MUC6: variants seen among roughly 807,000 people sequenced by gnomAD.
The protein encoded by MUC6 is mucin-6.
A neutral mutation model predicts 201.5 loss-of-function variants in MUC6; 188 were observed. That is an observed-to-expected ratio of 0.93 (90% CI 0.83 to 1.05). The LOEUF is 1.05. Among genes scored for constraint, MUC6 ranks in the 50% least tolerant of loss-of-function variants. The pLI, the probability that MUC6 is intolerant of heterozygous loss-of-function variation, is 0.00. For synonymous variants in MUC6, 1,228 were observed against 1,389.4 expected, an observed-to-expected ratio of 0.88 and a Z score of 2.58; for missense variants, 2,706 against 3,256.9, an observed-to-expected ratio of 0.83 and a Z score of 4.12.
rs374215540 is a variant in MUC6, at chr11:1,031,788, C to T, written c.356+25G>A. 37 of 1,566,576 alleles carry T rather than the reference C, an allele frequency of 2.4e-5. No homozygotes were observed. In the East Asian group the frequency reaches 5.0e-4, roughly 21 times the overall value. On this transcript the variant is annotated intron_variant, in intron 3 of 32. Transcript: ENST00000421673. ...CCTCAGTCCTCCGGCCCCCGAGCCC[C>T]CGGGCCCCGGCCCACCTGACCTACC...
At chr11:1,025,672 C>T (rs1375656068) in intron 22 of MUC6, 133 bp downstream of exon 22, 11 of 902,086 alleles carry the variant, frequency 1.2e-5, no homozygotes, top group Non-Finnish European at 1.5e-5. Context: ...CAGCAGGCAC[C>T]CCTCAAGGAG....
At position 1,018,731 on chromosome 11, in the gene MUC6, G is replaced by A; in HGVS notation, c.4070C>T (p.Thr1357Ile). 1 of 1,583,438 alleles carries A rather than the reference G, an allele frequency of 6.3e-7. No homozygotes were observed. The highest frequency in any genetic ancestry group is 8.6e-7 in the Non-Finnish European group (1 of 1,167,406). ...GGTTGGACGTGGGCCTGTCGTCTGG[G>A]TGGCCGTTGTTCCTGGCAGTTCCTG... ...TNQELPGTTATQTTGPRPTPA... is the reference protein window; with the variant it reads ...TNQELPGTTAIQTTGPRPTPA... The change falls in exon 31 of 33, where the codon ACC becomes ATC. Residue 1357 changes from threonine to isoleucine, a missense_variant. This residue lies in a region of MUC6 where 1,850 missense variants were observed against 1,958.3 expected (regional missense o/e 0.94). Coordinates refer to ENST00000421673, the MANE Select transcript of MUC6 (RefSeq NM_005961.3).
At position 1,016,055 on chromosome 11, in the gene MUC6, G is replaced by A. The variant is rs969849488; in HGVS notation, c.6746C>T (p.Pro2249Leu). 10 of 1,612,180 alleles carry A rather than the reference G, an allele frequency of 6.2e-6. No homozygotes were observed. The highest frequency in any genetic ancestry group is 3.3e-5 in the Admixed American group (2 of 59,954). ...GCTGGCCGTGGTCCTGGGCGTGGAC[G>A]GAAATGCAATGGTGCTGGAGGCTAG... is the stretch of plus-strand genomic sequence containing the variant. ...SHLASSTIAF[P>L]STPRTTASTH... Residue 2249 changes from proline (P) to leucine (L), a missense_variant, in exon 31 of 33, where the codon CCG becomes CTG. Coordinates refer to ENST00000421673, the MANE Select transcript of MUC6 (RefSeq NM_005961.3).
At position 1,034,384 on chromosome 11, in the gene MUC6, G is replaced by A. The variant is rs1342619184; in HGVS notation, c.53-1309C>T. 6.6e-5 allele frequency among the ~76,000 whole-genome samples: 10 copies of A among 152,312 alleles called. No individual in the cohort carries two copies. The East Asian group carries it at 1.9e-3, about 29-fold the overall frequency. On this transcript the variant is annotated intron_variant, in intron 1 of 32. Transcript: ENST00000421673. ...TCATGCTGGGCCCTGAGCCTGGCGAGCACCTACCCCCTCACTCATCCCCCT... is the reference window on the plus strand; with the variant it reads ...TCATGCTGGGCCCTGAGCCTGGCGAACACCTACCCCCTCACTCATCCCCCT...
chr11:1,023,213 ATG>A (rs1432275054), intron 26 of MUC6, among the ~76,000 whole-genome samples: 9 of 151,626 alleles, frequency 5.9e-5, no homozygotes, highest in East Asian at 3.9e-4. Context: ...GCATGAATGA[ATG>A]TGTGTGTAGT....
At position 1,020,731 on chromosome 11, in the gene MUC6, G is replaced by A. The variant is rs759329170; in HGVS notation, c.3593C>T (p.Pro1198Leu). The A allele has an allele frequency of 1.5e-5, 24 of 1,612,686 alleles. No individual in the cohort carries two copies. Among genetic ancestry groups the A allele is most frequent in the East Asian group, 4.5e-5 (2 of 44,890 alleles). ...HEEGVCVPCMPPTTPQPPTTP... is the reference protein window; with the variant it reads ...HEEGVCVPCMLPTTPQPPTTP... The stretch of plus-strand genomic sequence containing the variant: ...GGTGGGTGGCTGCGGCGTGGTGGGC[G>A]GCACTGCAAGAAGATGGGGTCAGCT... Residue 1198 changes from proline (P) to leucine (L), a missense_variant, in exon 28 of 33, where the codon CCG becomes CTG. By Grantham distance (98) the Pro-to-Leu change is moderately conservative. Coordinates refer to ENST00000421673, the MANE Select transcript of MUC6 (RefSeq NM_005961.3).
At chr11:1,036,025 C>T (rs971115367) in intron 1 of MUC6, among the ~76,000 whole-genome samples, 5 of 152,110 alleles carry the variant, frequency 3.3e-5, no homozygotes, top group African/African-American at 7.2e-5. Flanking sequence ...GGATCCTGCC[C>T]GAGCTGGGTA....
intron 26 of MUC6, among the ~76,000 whole-genome samples, chr11:1,023,083 T>C (rs1458907628): frequency 1.4e-5 from 2 of 147,182 alleles, no homozygotes; most frequent in Non-Finnish European, 3.0e-5. Context: ...GTTGAATGAG[T>C]GTGTGTGGGT....
rs969181781 is a variant in MUC6 at position 1,013,404 on chromosome 11, C to T, written c.*52G>A. The T allele has an allele frequency of 4.0e-6, 6 of 1,499,242 alleles. No individual in the cohort carries two copies. The highest frequency in any genetic ancestry group is 5.4e-6 in the Non-Finnish European group (6 of 1,115,420). 92.9% of individuals were successfully genotyped at this position (1,499,242 alleles called of 1,614,324 possible). On this transcript the variant is annotated 3_prime_UTR_variant, in exon 33 of 33. Transcript: ENST00000421673. ...CGGGAAGGGGGCTGGTGGGTGTTTTCCTGTCTGTCATCTGCAGTCCTTCAG... is the reference window on the plus strand; with the variant it reads ...CGGGAAGGGGGCTGGTGGGTGTTTTTCTGTCTGTCATCTGCAGTCCTTCAG...
In MUC6 at chr11:1,019,510, C is replaced by T; in HGVS notation, c.3809-14G>A. 1 of 1,606,342 alleles carries T rather than the reference C, an allele frequency of 6.2e-7. No homozygotes were observed. The highest frequency in any genetic ancestry group is 8.5e-7 in the Non-Finnish European group (1 of 1,174,128). The stretch of plus-strand genomic sequence containing the variant: ...GTCTAGGTGGTTCTGCAGAGGACAG[C>T]CGCCCGGAACATCCCCTTGCTGTGG... On this transcript the variant is annotated splice_polypyrimidine_tract_variant and intron_variant, in intron 29 of 32. Coordinates refer to ENST00000421673, the MANE Select transcript of MUC6 (RefSeq NM_005961.3).
chr11:1,014,111 C>A, intron 31 of MUC6, 110 bp from the exon 32 acceptor site: 2 of 883,326 alleles, frequency 2.3e-6, no homozygotes, highest in Non-Finnish European at 3.5e-6. Context: ...CTCTCCTGCC[C>A]AAGGTGTGGT....
In MUC6 at chr11:1,025,266, G is replaced by A; in HGVS notation, c.2901C>T (p.Asp967=). ...VTPGALSLVV[D]ISIPGRYNLT... is the part of the protein sequence containing the mutation. Reference sequence around the variant, plus strand: ...GGTTGTACCTCCCGGGGATGCTGATGTCCACGACAAGGCTCAGCGCACCCG... The same window carrying A: ...GGTTGTACCTCCCGGGGATGCTGATATCCACGACAAGGCTCAGCGCACCCG... The change falls in exon 23 of 33, where the codon GAC becomes GAT. Residue 967 remains aspartate (D), a synonymous_variant. Coordinates refer to ENST00000421673, the MANE Select transcript of MUC6 (RefSeq NM_005961.3). 6.2e-7 allele frequency: 1 copy of A among 1,612,844 alleles called. No homozygotes were observed. Among genetic ancestry groups the A allele is most frequent in the Non-Finnish European group, 8.5e-7 (1 of 1,179,880 alleles).
intron 17 of MUC6, 26 bp downstream of exon 17, chr11:1,027,242 C>T (rs749391627): frequency 1.9e-5 from 31 of 1,611,996 alleles, no homozygotes; most frequent in Middle Eastern, 1.6e-4. Flanking sequence ...AGGGACCCCC[C>T]GCCTGGCCCC....
At chr11:1,034,480 C>T (rs1857174082) in intron 1 of MUC6, among the ~76,000 whole-genome samples, 1 of 152,162 alleles carries the variant, frequency 6.6e-6, no homozygotes, top group Non-Finnish European at 1.5e-5. Context: ...CCACAGGGCT[C>T]AGAGCACCTG....
At position 1,029,619 on chromosome 11, in the gene MUC6, C is replaced by T. The variant is rs1444566856; in HGVS notation, c.1016-4G>A. Reference sequence around the variant, plus strand: ...GAGAGGTCATTCAGGACCGTACCTGCAGGAGAGGGTCTTCTTGGGGCTTGG... The same window carrying T: ...GAGAGGTCATTCAGGACCGTACCTGTAGGAGAGGGTCTTCTTGGGGCTTGG... On this transcript the variant is annotated splice_region_variant and splice_polypyrimidine_tract_variant and intron_variant, in intron 8 of 32. Transcript: ENST00000421673. 6.4e-7 allele frequency: 1 copy of T among 1,572,200 alleles called. No homozygotes were observed. The highest frequency in any genetic ancestry group is 8.7e-7 in the Non-Finnish European group (1 of 1,155,290).
Position 1,021,291 on chromosome 11 carries a change from C to A in MUC6, c.3527-14G>T. 2.6e-6 allele frequency: 4 copies of A among 1,528,998 alleles called. No individual in the cohort carries two copies. Among genetic ancestry groups the A allele is most frequent in the Non-Finnish European group, 3.5e-6 (4 of 1,138,222 alleles). The allele number at this position is 1,528,998 out of a possible 1,614,324, so 94.7% of individuals were successfully genotyped here. On this transcript the variant is annotated splice_polypyrimidine_tract_variant and intron_variant, in intron 26 of 32. Coordinates refer to ENST00000421673, the MANE Select transcript of MUC6 (RefSeq NM_005961.3). Reference sequence around the variant, plus strand: ...AGTTGTAGCAGCCTAGGGTGGAGAACGGCCAGGGTCTGTGTGACTGGTGGC... The same window carrying A: ...AGTTGTAGCAGCCTAGGGTGGAGAAAGGCCAGGGTCTGTGTGACTGGTGGC...
intron 26 of MUC6, 111 bp downstream of exon 26, chr11:1,023,395 TTAA>T: frequency 1.5e-6 from 2 of 1,311,414 alleles, no homozygotes; most frequent in Non-Finnish European, 2.1e-6. Flanking sequence ...AATGTGTGAA[TTAA>T]TGAGCATGAA....
Position 1,029,631 on chromosome 11 carries a change from T to G in MUC6, c.1016-16A>C, listed in dbSNP as rs201074154. 1.2e-3 allele frequency: 1,841 copies of G among 1,557,492 alleles called. 2 individuals are homozygous for G. Among genetic ancestry groups the G allele is most frequent in the Non-Finnish European group, 1.4e-3 (1,590 of 1,147,914 alleles). ...AGGACCGTACCTGCAGGAGAGGGTC[T>G]TCTTGGGGCTTGGGTGGGACTGACT... is the stretch of plus-strand genomic sequence containing the variant. On this transcript the variant is annotated splice_polypyrimidine_tract_variant and intron_variant, in intron 8 of 32. Coordinates refer to ENST00000421673, the MANE Select transcript of MUC6 (RefSeq NM_005961.3).
intron 1 of MUC6, among the ~76,000 whole-genome samples, chr11:1,034,388 C>T (rs1201908667): frequency 1.3e-5 from 2 of 152,322 alleles, no homozygotes; most frequent in South Asian, 4.1e-4. Context: ...TGGCGAGCAC[C>T]TACCCCCTCA....
Sources: gnomAD v4.1 joint callset for allele counts (sites outside exome capture counted in the v4.1 genomes callset) on GRCh38, gnomAD v4.1.1 for gene constraint, gnomAD v4.1.1 regional missense constraint, MANE v1.5 for transcripts, NCBI Gene and HGNC (gene_info 2026-07-23, HGNC 2026-07-21) for gene names.